The following TMEM87A variants were observed in gnomAD, a reference collection of about 807,000 sequenced individuals.
TMEM87A encodes the protein transmembrane protein 87A.
Under a neutral mutation model 90.0 loss-of-function variants are expected in TMEM87A, and 50 were observed. The observed-to-expected ratio is 0.56, with a 90% CI of 0.44 to 0.70. The LOEUF is 0.70. TMEM87A is among the 30% of genes least tolerant of loss of function. TMEM87A has a pLI of 0.00. For synonymous variants in TMEM87A, 226 were observed against 226.7 expected, an observed-to-expected ratio of 1.00 and a Z score of 0.03; for missense variants, 577 against 660.5, an observed-to-expected ratio of 0.87 and a Z score of 1.39.
At chr15:42,257,979 A>G (rs2051214965) in intron 6 of TMEM87A, 1 of 977,418 alleles carries the variant, frequency 1.0e-6, no homozygotes, top group African/African-American at 1.8e-5. Context: ...AAGTTATAGA[A>G]TTAAAAACTT....
intron 9 of TMEM87A, among the ~76,000 whole-genome samples, chr15:42,237,036 G>GATAAAT (rs2050783288): frequency 2.0e-5 from 3 of 152,184 alleles, no homozygotes; most frequent in Admixed American, 6.5e-5. Context: ...TTATCAGTTA[G>GATAAAT]ATGCACTTTC....
intron 6 of TMEM87A, among the ~76,000 whole-genome samples, chr15:42,247,221 T>A (rs2050994629): frequency 6.6e-6 from 1 of 152,298 alleles, no homozygotes; most frequent in East Asian, 1.9e-4. Flanking sequence ...ATTGTAAAAA[T>A]TTTCTCCTAT....
intron 8 of TMEM87A, among the ~76,000 whole-genome samples, chr15:42,238,512 T>G (rs183866112): frequency 3.5e-4 from 53 of 151,942 alleles, no homozygotes; most frequent in Non-Finnish European, 1.5e-4. Context: ...GGAGGTTGCA[T>G]TGAGCCAAGA....
chr15:42,237,318 A>G lies in TMEM87A; in HGVS notation c.868+114T>C, dbSNP rs186153354. Reference sequence around the variant, plus strand: ...ATAGTGATTCTGCTTAAGATATTGTAATAATTAAGTAATTGAAAAGTTAAG... The same window carrying G: ...ATAGTGATTCTGCTTAAGATATTGTGATAATTAAGTAATTGAAAAGTTAAG... On this transcript the variant is annotated intron_variant, in intron 9 of 19. Transcript: ENST00000389834. 369 of 986,822 alleles carry G rather than the reference A, an allele frequency of 3.7e-4. 1 individual carries two copies. In the East Asian group the frequency reaches 9.4e-3, roughly 25 times the overall value. 61.1% of individuals were successfully genotyped at this position (986,822 alleles called of 1,614,324 possible). A position where few individuals can be genotyped will look rare whatever the true frequency, so the allele number is the denominator to read the frequency against.
At chr15:42,238,959 T>C (rs1013490390) in intron 8 of TMEM87A, among the ~76,000 whole-genome samples, 3 of 152,068 alleles carry the variant, frequency 2.0e-5, no homozygotes, top group Admixed American at 6.5e-5. Context: ...AAGGATATTC[T>C]GAGACACAGA....
intron 12 of TMEM87A, among the ~76,000 whole-genome samples, chr15:42,230,555 A>G (rs1410523648): frequency 1.3e-5 from 2 of 152,252 alleles, no homozygotes; most frequent in Non-Finnish European, 2.9e-5. Flanking sequence ...TTAATTTTAA[A>G]GAGCAGGAGA....
chr15:42,219,223 T>C (rs2050431142), intron 17 of TMEM87A, among the ~76,000 whole-genome samples: 1 of 152,234 alleles, frequency 6.6e-6, no homozygotes, highest in Non-Finnish European at 1.5e-5. Flanking sequence ...AAGAAATGTA[T>C]ATTCAGGTCC....
intron 6 of TMEM87A, among the ~76,000 whole-genome samples, chr15:42,247,031 T>C (rs976439214): frequency 7.0e-6 from 1 of 142,494 alleles, no homozygotes; most frequent in Non-Finnish European, 1.5e-5. Flanking sequence ...GATTTGCATT[T>C]CTCTGATGAC....
chr15:42,228,570 T>C (rs1327750039), intron 13 of TMEM87A, 142 bp downstream of exon 13: 3 of 650,772 alleles, frequency 4.6e-6, no homozygotes, highest in South Asian at 1.9e-5. Flanking sequence ...CACAGATCCT[T>C]CTGAGAATTT....
intron 8 of TMEM87A, among the ~76,000 whole-genome samples, chr15:42,238,235 G>A (rs1221419001): frequency 6.6e-6 from 1 of 151,958 alleles, no homozygotes; most frequent in Non-Finnish European, 1.5e-5. Context: ...TGAGTTCAAG[G>A]CCAGTCTAGG....
intron 6 of TMEM87A, among the ~76,000 whole-genome samples, chr15:42,244,406 AT>A (rs1419560396): frequency 2.0e-5 from 3 of 151,940 alleles, no homozygotes; most frequent in Non-Finnish European, 4.4e-5. Context: ...CATTTAACAT[AT>A]TTTTTTAATG....
At position 42,229,190 on chromosome 15, in the gene TMEM87A, G is replaced by A. The variant is rs139360420; in HGVS notation, c.1132-370C>T. 8.1e-3 allele frequency among the ~76,000 whole-genome samples: 1,230 copies of A among 151,878 alleles called. 9 individuals carry two copies. Among genetic ancestry groups the A allele is most frequent in the Non-Finnish European group, 0.013 (890 of 67,890 alleles). On this transcript the variant is annotated intron_variant, in intron 12 of 19. Transcript: ENST00000389834. Reference sequence around the variant, plus strand: ...GCTAATTTTTAAATTTTTTTGTAGAGATAAGGTCTCGCTATGTTGCTCAGG... The same window carrying A: ...GCTAATTTTTAAATTTTTTTGTAGAAATAAGGTCTCGCTATGTTGCTCAGG...
chr15:42,233,426 C>A, intron 10 of TMEM87A, 120 bp from the exon 11 acceptor site: 1 of 659,402 alleles, frequency 1.5e-6, no homozygotes, highest in Non-Finnish European at 2.6e-6. Context: ...ATAATATACA[C>A]TTGATTCACC....
rs761131256 is a variant in TMEM87A at position 42,264,137 on chromosome 15, T to A, written c.358A>T (p.Thr120Ser). 1 of 1,613,866 alleles carries A rather than the reference T, an allele frequency of 6.2e-7. No homozygotes were observed. Among genetic ancestry groups the A allele is most frequent in the Non-Finnish European group, 8.5e-7 (1 of 1,179,878 alleles). ...CAGTTCTGGAACAATTTTGATGATGTTTGATATTTCCCAGACAAGCCTCTT... is the reference window on the plus strand; with the variant it reads ...CAGTTCTGGAACAATTTTGATGATGATTGATATTTCCCAGACAAGCCTCTT... Reference protein sequence around the residue: ...EKRGLSGKYQTSSKLFQNCSE... With the variant: ...EKRGLSGKYQSSSKLFQNCSE... Residue 120 changes from threonine to serine, a missense_variant, in exon 4 of 20, where the codon ACA becomes TCA. Coordinates refer to ENST00000389834, the MANE Select transcript of TMEM87A (RefSeq NM_015497.5).
In TMEM87A at chr15:42,227,625, TAACTTAGAAG is replaced by T. The variant is rs1032647563; in HGVS notation, c.1299+76_1299+85del. On this transcript the variant is annotated intron_variant, in intron 14 of 19. Coordinates refer to ENST00000389834, the MANE Select transcript of TMEM87A (RefSeq NM_015497.5). Reference sequence around the variant, plus strand: ...TAGCTCTAATTTTTTATAAGGTATATAACTTAGAAGAACCTTACCACTGTCATCAACACCA... The same window carrying T: ...TAGCTCTAATTTTTTATAAGGTATATAACCTTACCACTGTCATCAACACCA... 4.0e-6 allele frequency: 5 copies of T among 1,242,294 alleles called. No individual in the cohort carries two copies. In the African/African-American group the frequency reaches 7.4e-5, roughly 18 times the overall value. 77.0% of individuals were successfully genotyped at this position (1,242,294 alleles called of 1,614,324 possible).
intron 19 of TMEM87A, among the ~76,000 whole-genome samples, chr15:42,215,238 G>A (rs575913943): frequency 3.9e-5 from 6 of 152,302 alleles, no homozygotes; most frequent in African/African-American, 1.4e-4. Flanking sequence ...GGTGGCTCAC[G>A]CCTGTAATCC....
At chr15:42,225,020 T>G (rs1443980009) in intron 15 of TMEM87A, among the ~76,000 whole-genome samples, 1 of 152,226 alleles carries the variant, frequency 6.6e-6, no homozygotes, top group Non-Finnish European at 1.5e-5. Flanking sequence ...AAGAAGGGTC[T>G]CCAGAATGTA....
intron 15 of TMEM87A, among the ~76,000 whole-genome samples, chr15:42,221,462 A>G (rs185550078): frequency 1.4e-4 from 21 of 152,360 alleles, no homozygotes; most frequent in Non-Finnish European, 2.5e-4. Flanking sequence ...GAGAGATGCC[A>G]TACTCAAGGA....
At chr15:42,238,486 C>T (rs1445091203) in intron 8 of TMEM87A, among the ~76,000 whole-genome samples, 1 of 152,174 alleles carries the variant, frequency 6.6e-6, no homozygotes, top group Non-Finnish European at 1.5e-5. Flanking sequence ...AGGAGAATCG[C>T]TTGAACCCAG....
Sources: allele counts gnomAD v4.1 joint callset (sites outside exome capture counted in the v4.1 genomes callset), GRCh38; gene constraint gnomAD v4.1.1; transcripts MANE v1.5; gene names NCBI Gene and HGNC (gene_info 2026-07-23, HGNC 2026-07-21).